AAK1: variants seen among roughly 807,000 people sequenced by gnomAD.
The protein encoded by AAK1 is AP2-associated protein kinase 1.
In AAK1, 37 loss-of-function variants were observed where a neutral mutation model predicts 116.0. That is an observed-to-expected ratio of 0.32 (90% CI 0.25 to 0.42). The LOEUF is 0.42. Ranked by LOEUF, AAK1 falls within the 10% of genes least tolerant of loss-of-function variation. AAK1 has a pLI of 1.00. For synonymous variants in AAK1, 458 were observed against 439.9 expected (o/e 1.04, Z -0.51); for missense variants, 919 against 1,170.6 (o/e 0.79, Z 3.14).
intron 16 of AAK1, among the ~76,000 whole-genome samples, chr2:69,496,409 G>A (rs576797342): frequency 1.3e-5 from 2 of 151,842 alleles, no homozygotes; most frequent in East Asian, 1.9e-4. Flanking sequence ...GTCGCCAGGC[G>A]CCTGCCACCA....
intron 17 of AAK1, among the ~76,000 whole-genome samples, chr2:69,486,612 C>T (rs1675311506): frequency 6.6e-6 from 1 of 152,158 alleles, no homozygotes; most frequent in Admixed American, 6.5e-5. Context: ...GGAAGGCTCC[C>T]AGTGACTCAG....
In AAK1 at chr2:69,471,109, C is replaced by A. The variant is rs1423213457; in HGVS notation, c.*4760G>T. 1.0e-6 allele frequency: 1 copy of A among 985,642 alleles called. No individual in the cohort carries two copies. The highest frequency in any genetic ancestry group is 1.1e-4 in the East Asian group (1 of 8,828). The allele number at this position is 985,642 out of a possible 1,614,324, so 61.1% of individuals were successfully genotyped here. ...ACGCGTTAAAGACCTATGATAAACA[C>A]ACATCCACATGACAAAGGAGAGTGC... On this transcript the variant is annotated 3_prime_UTR_variant, in exon 22 of 22. Coordinates refer to ENST00000409085, the MANE Select transcript of AAK1 (RefSeq NM_014911.5).
chr2:69,535,272 C>T (rs759368823), intron 5 of AAK1, among the ~76,000 whole-genome samples: 1 of 152,228 alleles, frequency 6.6e-6, no homozygotes, highest in Admixed American at 6.5e-5. Flanking sequence ...ATACCCTACT[C>T]ATCCTGATGT....
At chr2:69,494,009 C>T (rs1426836125) in intron 17 of AAK1, among the ~76,000 whole-genome samples, 1 of 152,102 alleles carries the variant, frequency 6.6e-6, no homozygotes, top group Non-Finnish European at 1.5e-5. Context: ...TTTTATGCCC[C>T]CTCAGTGATA....
At chr2:69,622,442 C>T (rs1674689876) in intron 2 of AAK1, among the ~76,000 whole-genome samples, 1 of 152,224 alleles carries the variant, frequency 6.6e-6, no homozygotes, top group South Asian at 2.1e-4. Context: ...GGCACGGGAC[C>T]GGCAAGCAGC....
intron 17 of AAK1, among the ~76,000 whole-genome samples, chr2:69,493,754 C>T (rs563803936): frequency 8.7e-4 from 132 of 152,272 alleles, no homozygotes; most frequent in African/African-American, 3.1e-3. Flanking sequence ...TGGGACCACA[C>T]TGGGCCTTTC....
Position 69,466,102 on chromosome 2 carries a change from T to C in AAK1, c.*9767A>G. 7.7e-7 allele frequency: 1 copy of C among 1,290,846 alleles called. No individual in the cohort carries two copies. Among genetic ancestry groups the C allele is most frequent in the South Asian group, 1.2e-5 (1 of 81,032 alleles). The allele number at this position is 1,290,846 out of a possible 1,614,324, so 80.0% of individuals were successfully genotyped here. On this transcript the variant is annotated 3_prime_UTR_variant, in exon 22 of 22. Transcript: ENST00000409085. ...TCATCATTTGGAACCCTTGAGCTCC[T>C]GAAGGGAGCTATGGCAAAAACATCT...
chr2:69,639,531 T>C (rs1675607980), intron 2 of AAK1, among the ~76,000 whole-genome samples: 1 of 152,114 alleles, frequency 6.6e-6, no homozygotes, highest in Admixed American at 6.5e-5. Context: ...CTGGACTAGT[T>C]AGTGAAACCA....
intron 2 of AAK1, among the ~76,000 whole-genome samples, chr2:69,633,438 T>A (rs1675298633): frequency 6.7e-6 from 1 of 150,006 alleles, no homozygotes; most frequent in Non-Finnish European, 1.5e-5. Flanking sequence ...CCATCTCTAC[T>A]AAAAACACAA....
At chr2:69,576,899 G>A (rs541033138) in intron 2 of AAK1, among the ~76,000 whole-genome samples, 1 of 152,204 alleles carries the variant, frequency 6.6e-6, no homozygotes, top group South Asian at 2.1e-4. Context: ...AATATAAAGG[G>A]GAAGAAACAT....
At chr2:69,613,731 A>T (rs2105222365) in intron 2 of AAK1, among the ~76,000 whole-genome samples, 1 of 152,362 alleles carries the variant, frequency 6.6e-6, no homozygotes, top group East Asian at 1.9e-4. Context: ...TGCAAGCTCC[A>T]TGCCCCTTCC....
intron 16 of AAK1, among the ~76,000 whole-genome samples, chr2:69,498,713 C>A (rs866904582): frequency 1.3e-5 from 2 of 152,212 alleles, no homozygotes. Context: ...GATGGACCGG[C>A]GACATTTCCA....
At chr2:69,557,279 A>G (rs1671423112) in intron 2 of AAK1, among the ~76,000 whole-genome samples, 1 of 151,586 alleles carries the variant, frequency 6.6e-6, no homozygotes, top group South Asian at 2.1e-4. Context: ...GTAGTACTAC[A>G]TTACAAGTAC....
intron 2 of AAK1, among the ~76,000 whole-genome samples, chr2:69,572,149 C>A (rs1672115911): frequency 6.6e-6 from 1 of 152,104 alleles, no homozygotes; most frequent in South Asian, 2.1e-4. Flanking sequence ...TGGTGTGAAA[C>A]CAGGGTCAGG....
chr2:69,643,376 C>G, intron 1 of AAK1, 102 bp from the exon 2 acceptor site: 1 of 1,185,638 alleles, frequency 8.4e-7, no homozygotes. Flanking sequence ...TGGGGAAACG[C>G]TTCATGTATT....
At chr2:69,578,660 C>A in intron 2 of AAK1, among the ~76,000 whole-genome samples, 1 of 152,174 alleles carries the variant, frequency 6.6e-6, no homozygotes, top group East Asian at 1.9e-4. Flanking sequence ...CCCAGCCTGG[C>A]TTCCCCTCCT....
chr2:69,638,340 G>A (rs1193205112), intron 2 of AAK1, among the ~76,000 whole-genome samples: 1 of 152,078 alleles, frequency 6.6e-6, no homozygotes, highest in Non-Finnish European at 1.5e-5. Flanking sequence ...TCCCTTCCCT[G>A]CCTGCTTTTG....
At chr2:69,493,800 G>T (rs990865145) in intron 17 of AAK1, among the ~76,000 whole-genome samples, 2 of 152,158 alleles carry the variant, frequency 1.3e-5, no homozygotes, top group Non-Finnish European at 2.9e-5. Context: ...CCCACAGGTT[G>T]AATGACACAA....
chr2:69,587,252 T>G (rs1204016737), intron 2 of AAK1, among the ~76,000 whole-genome samples: 2 of 151,062 alleles, frequency 1.3e-5, no homozygotes, highest in Non-Finnish European at 3.0e-5. Flanking sequence ...GCTCAGCTTA[T>G]ATATATATAC....
Sources: gnomAD v4.1 joint callset for allele counts (sites outside exome capture counted in the v4.1 genomes callset) on GRCh38, gnomAD v4.1.1 for gene constraint, MANE v1.5 for transcripts, NCBI Gene and HGNC (gene_info 2026-07-23, HGNC 2026-07-21) for gene names.